PLEK: variants seen among roughly 807,000 people sequenced by gnomAD.
PLEK encodes the protein pleckstrin.
In PLEK, 25 loss-of-function variants were observed where a neutral mutation model predicts 43.9. The ratio of observed to expected loss-of-function variants is 0.57; its 90% CI spans 0.41 to 0.79. The LOEUF (loss-of-function observed/expected upper bound fraction) is 0.79, where lower values mean the gene tolerates loss of function less well. Ranked by LOEUF, PLEK falls within the 30% of genes least tolerant of loss-of-function variation. The pLI is 0.00. For missense variants in PLEK, 396 were observed against 413.3 expected (o/e 0.96, Z 0.36); for synonymous variants, 152 against 144.4 (o/e 1.05, Z -0.38).
chr2:68,382,446 C>T, intron 3 of PLEK, 96 bp from the exon 4 acceptor site: 1 of 713,960 alleles, frequency 1.4e-6, no homozygotes, highest in Non-Finnish European at 2.4e-6. Context: ...TTGTGCTCAC[C>T]TCCCAGAGAG....
Position 68,380,769 on chromosome 2 carries a change from A to G in PLEK, c.245A>G (p.Gln82Arg). 2 of 1,614,066 alleles carry G rather than the reference A, an allele frequency of 1.2e-6. No individual in the cohort carries two copies. The highest frequency in any genetic ancestry group is 1.7e-6 in the Non-Finnish European group (2 of 1,179,926). ...ACCAAACAGCAGGACCACTTCTTCC[A>G]GGCAGCCTTCCTGGAGGAGAGAGAT... ...TTTKQQDHFF[Q>R]AAFLEERDAW... is the part of the protein sequence containing the mutation. The change falls in exon 3 of 9, where the codon CAG (glutamine) becomes CGG (arginine). Residue 82 changes from glutamine to arginine, a missense_variant. Physicochemically the swap from Gln to Arg is conservative, Grantham distance 43 (BLOSUM62 1). Transcript: ENST00000234313.
chr2:68,375,411 T>C (rs1558496954), intron 1 of PLEK, among the ~76,000 whole-genome samples: 1 of 152,224 alleles, frequency 6.6e-6, no homozygotes, highest in African/African-American at 2.4e-5. Context: ...GCAGGAGTTC[T>C]TTGTATTCTA....
intron 6 of PLEK, among the ~76,000 whole-genome samples, chr2:68,390,991 A>G (rs6721818): frequency 6.1e-4 from 93 of 152,368 alleles, no homozygotes; most frequent in African/African-American, 2.2e-3. Context: ...AATGTGTTAT[A>G]TATGCTTCTC....
chr2:68,384,472 G>A (rs552610241), intron 4 of PLEK, among the ~76,000 whole-genome samples: 1 of 152,248 alleles, frequency 6.6e-6, no homozygotes, highest in East Asian at 1.9e-4. Flanking sequence ...TGATCTGCCT[G>A]CCTTGGCCTC....
At chr2:68,394,206 G>T (rs17530191) in intron 8 of PLEK, 30 bp downstream of exon 8, 407,655 of 1,336,608 alleles carry the variant, frequency 0.3, 63,722 homozygotes, top group Middle Eastern at 0.36. Flanking sequence ...GAGAGAGGTG[G>T]GTCTGCTCAG....
chr2:68,386,588 G>A lies in PLEK; in HGVS notation c.559G>A (p.Glu187Lys), dbSNP rs1428861145. The A allele has an allele frequency of 6.2e-7, 1 of 1,613,674 alleles. No homozygotes were observed. The highest frequency in any genetic ancestry group is 1.1e-5 in the South Asian group (1 of 91,076). The change falls in exon 5 of 9, where the codon GAG becomes AAG. Residue 187 changes from glutamate (E) to lysine (K), a missense_variant. Transcript: ENST00000234313. ...GLMIASSLLN[E>K]GYLQPAGDMS... Reference sequence around the variant, plus strand: ...CATGATTGCTTCATCGCTGCTCAATGAGGGGTATCTGCAGCCTGCTGGAGA... The same window carrying A: ...CATGATTGCTTCATCGCTGCTCAATAAGGGGTATCTGCAGCCTGCTGGAGA...
Position 68,382,594 on chromosome 2 carries a change from C to G in PLEK, c.433C>G (p.Leu145Val), listed in dbSNP as rs1373272079. The G allele has an allele frequency of 6.2e-7, 1 of 1,605,018 alleles. No homozygotes were observed. The highest frequency in any genetic ancestry group is 1.1e-5 in the South Asian group (1 of 90,870). The stretch of plus-strand genomic sequence containing the variant: ...TGAAAAAGGAATAAAAGAACTGAAT[C>G]TAGAGAAGGACAAGAAGATTTTTAA... ...DTEKGIKELN[L>V]EKDKKIFNHC... Residue 145 changes from leucine to valine, a missense_variant, in exon 4 of 9, where the codon CTA (leucine) becomes GTA (valine). By Grantham distance (32) the Leu-to-Val change is conservative. Transcript: ENST00000234313.
intron 1 of PLEK, among the ~76,000 whole-genome samples, chr2:68,375,867 G>C (rs1037862238): frequency 1.3e-5 from 2 of 152,170 alleles, no homozygotes; most frequent in African/African-American, 4.8e-5. Context: ...AATCAGAATG[G>C]TCAACTTATT....
Position 68,388,381 on chromosome 2 carries a change from C to A in PLEK, c.658-6C>A. The A allele has an allele frequency of 6.4e-7, 1 of 1,574,036 alleles. No individual in the cohort carries two copies. The highest frequency in any genetic ancestry group is 1.7e-5 in the Admixed American group (1 of 59,924). On this transcript the variant is annotated splice_region_variant and splice_polypyrimidine_tract_variant and intron_variant, in intron 5 of 8. Transcript: ENST00000234313. ...GATGTTAGCTTGCTGTTTGATTTTC[C>A]AACAGCCAGACAGTGGGTTCTTCTG...
At chr2:68,388,870 A>G (rs879796912) in intron 6 of PLEK, among the ~76,000 whole-genome samples, 5 of 152,220 alleles carry the variant, frequency 3.3e-5, no homozygotes, top group Non-Finnish European at 7.3e-5. Flanking sequence ...AGCAACCAGG[A>G]AAACAGGAAC....
At position 68,383,968 on chromosome 2, in the gene PLEK, T is replaced by C. The variant is rs1490802359; in HGVS notation, c.472+1335T>C. ...CAAGACACCAAGCTGTGGGTGGTGG[T>C]ATGAGAAAGTGACAAGAACAAGGGA... On this transcript the variant is annotated intron_variant, in intron 4 of 8. Transcript: ENST00000234313. Among the ~76,000 whole-genome samples, 5 of 152,150 alleles carry C rather than the reference T, an allele frequency of 3.3e-5. No homozygotes were observed. In the East Asian group the frequency reaches 9.7e-4, roughly 29 times the overall value.
At chr2:68,376,005 T>C (rs1243157056) in intron 1 of PLEK, among the ~76,000 whole-genome samples, 1 of 152,214 alleles carries the variant, frequency 6.6e-6, no homozygotes, top group Admixed American at 6.5e-5. Context: ...TTCATACAAC[T>C]TAGCCATGCC....
rs1323282200 is a variant in PLEK, at chr2:68,380,367, T to G, written c.82T>G (p.Leu28Val). ...FNTWKPMWVV[L>V]LEDGIEFYKK... The stretch of plus-strand genomic sequence containing the variant: ...TACGTGGAAACCCATGTGGGTTGTA[T>G]TGTTAGAAGATGGAATTGAATTCTA... Residue 28 changes from leucine to valine, a missense_variant, in exon 2 of 9, where the codon TTG becomes GTG. By Grantham distance (32) the Leu-to-Val change is conservative (BLOSUM62 1). Coordinates refer to ENST00000234313, the MANE Select transcript of PLEK (RefSeq NM_002664.3). The G allele has an allele frequency of 1.2e-6, 2 of 1,613,566 alleles. No individual in the cohort carries two copies. The highest frequency in any genetic ancestry group is 1.7e-6 in the Non-Finnish European group (2 of 1,179,634).
intron 3 of PLEK, 48 bp downstream of exon 3, chr2:68,380,952 C>G: frequency 6.6e-7 from 1 of 1,509,278 alleles, no homozygotes; most frequent in Non-Finnish European, 9.1e-7. Flanking sequence ...CTGAAAGACA[C>G]AAACATAGCA....
Position 68,380,714 on chromosome 2 carries a change from G to A in PLEK, c.199-9G>A, listed in dbSNP as rs75306265. 26,336 of 1,611,964 alleles carry A rather than the reference G, an allele frequency of 0.016. 269 individuals are homozygous for A. Among genetic ancestry groups the A allele is most frequent in the Non-Finnish European group, 0.019 (22,809 of 1,178,928 alleles). ...AGCCATTTCTAATGGGATGTGTTTT[G>A]ATTTTCAGTTTGTGTTTAAGATCAC... On this transcript the variant is annotated splice_polypyrimidine_tract_variant and intron_variant, in intron 2 of 8. Transcript: ENST00000234313.
intron 1 of PLEK, among the ~76,000 whole-genome samples, chr2:68,366,336 G>T (rs1268310236): frequency 6.6e-6 from 1 of 152,304 alleles, no homozygotes; most frequent in South Asian, 2.1e-4. Context: ...ACCTGTAAGG[G>T]GGGTTAAATA....
At position 68,396,009 on chromosome 2, in the gene PLEK, C is replaced by T; in HGVS notation, c.*193C>T. 3.4e-6 allele frequency: 2 copies of T among 580,434 alleles called. No homozygotes were observed. The highest frequency in any genetic ancestry group is 5.7e-5 in the East Asian group (2 of 35,004). 36.0% of individuals were successfully genotyped at this position (580,434 alleles called of 1,614,324 possible). Reference sequence around the variant, plus strand: ...TGCATTGTATTGCTCACTGCAGCCCCTCTGCCCCTATCCATGACCCCCAAG... The same window carrying T: ...TGCATTGTATTGCTCACTGCAGCCCTTCTGCCCCTATCCATGACCCCCAAG... On this transcript the variant is annotated 3_prime_UTR_variant, in exon 9 of 9. Transcript: ENST00000234313.
chr2:68,396,016 C>A lies in PLEK; in HGVS notation c.*200C>A. On this transcript the variant is annotated 3_prime_UTR_variant, in exon 9 of 9. Transcript: ENST00000234313. Reference sequence around the variant, plus strand: ...TATTGCTCACTGCAGCCCCTCTGCCCCTATCCATGACCCCCAAGCAGATAT... The same window carrying A: ...TATTGCTCACTGCAGCCCCTCTGCCACTATCCATGACCCCCAAGCAGATAT... 1.8e-6 allele frequency: 1 copy of A among 557,370 alleles called. No individual in the cohort carries two copies. Among genetic ancestry groups the A allele is most frequent in the East Asian group, 2.9e-5 (1 of 34,338 alleles). 34.5% of individuals were successfully genotyped at this position (557,370 alleles called of 1,614,324 possible).
chr2:68,395,961 C>T lies in PLEK; in HGVS notation c.*145C>T. On this transcript the variant is annotated 3_prime_UTR_variant, in exon 9 of 9. Transcript: ENST00000234313. ...TGCAGGGGGGTCTGAATGTAACTCA[C>T]CATGTGGTGTGCAAGGTTCCCCTGC... 1 of 693,268 alleles carries T rather than the reference C, an allele frequency of 1.4e-6. No individual in the cohort carries two copies. The highest frequency in any genetic ancestry group is 1.8e-5 in the South Asian group (1 of 57,086). 42.9% of individuals were successfully genotyped at this position (693,268 alleles called of 1,614,324 possible).
Sources: gnomAD v4.1 joint callset for allele counts (sites outside exome capture counted in the v4.1 genomes callset) on GRCh38, gnomAD v4.1.1 for gene constraint, MANE v1.5 for transcripts, NCBI Gene and HGNC (gene_info 2026-07-23, HGNC 2026-07-21) for gene names.